The following NEK8 variants were observed in gnomAD, a reference collection of about 807,000 sequenced individuals.
NEK8 encodes NIMA related kinase 8, also known as serine/threonine-protein kinase Nek8.
In NEK8, 51 loss-of-function variants were observed where a neutral mutation model predicts 77.2. That is an observed-to-expected ratio of 0.66 (90% CI 0.53 to 0.83). The LOEUF is 0.83. Ranked by LOEUF, NEK8 falls within the 40% of genes least tolerant of loss-of-function variation. NEK8 has a pLI of 0.00. For synonymous variants in NEK8, 365 were observed against 363.2 expected (o/e 1.00, Z -0.06); for missense variants, 787 against 909.2 (o/e 0.87, Z 1.73).
In NEK8 at chr17:28,737,755, C is replaced by T. The variant is rs183897626; in HGVS notation, c.889+19C>T. 6.2e-7 allele frequency: 1 copy of T among 1,614,160 alleles called. No individual in the cohort carries two copies. Among genetic ancestry groups the T allele is most frequent in the East Asian group, 2.2e-5 (1 of 44,890 alleles). ...TGCAGAGGTAAGTGGGAAGAGGCCGCCAGTCCCCATGGATGCCACACCATT... is the reference window on the plus strand; with the variant it reads ...TGCAGAGGTAAGTGGGAAGAGGCCGTCAGTCCCCATGGATGCCACACCATT... On this transcript the variant is annotated intron_variant, in intron 6 of 14. Coordinates refer to ENST00000268766, the MANE Select transcript of NEK8 (RefSeq NM_178170.3). The surrounding 1 kb of genome is among the most constrained non-coding windows in gnomAD (Gnocchi z 4.8).
At chr17:28,734,293 GT>G in intron 2 of NEK8, 105 bp downstream of exon 2, 2 of 1,031,696 alleles carry the variant, frequency 1.9e-6, no homozygotes, top group South Asian at 1.3e-5. Context: ...ATGGCCAAGG[GT>G]TAGAGTTCTG....
Position 28,738,117 on chromosome 17 carries a change from G to A in NEK8, c.1094G>A (p.Gly365Glu). The A allele has an allele frequency of 1.9e-6, 3 of 1,613,932 alleles. No individual in the cohort carries two copies. The highest frequency in any genetic ancestry group is 2.5e-6 in the Non-Finnish European group (3 of 1,179,916). ...LWEAPPLGAG[G>E]GSLLPGAVEQ... ...CAGGCCCCACCCCTAGGTGCAGGCG[G>A]AGGCAGTCTCCTTCCTGGGGCAGTG... Residue 365 changes from glycine to glutamate, a missense_variant, in exon 8 of 15, where the codon GGA becomes GAA. This residue lies in a region of NEK8 where 516 missense variants were observed against 544.0 expected (regional missense o/e 0.95). Coordinates refer to ENST00000268766, the MANE Select transcript of NEK8 (RefSeq NM_178170.3).
chr17:28,739,292 C>G (rs1172867994), intron 10 of NEK8, 91 bp downstream of exon 10: 1 of 850,822 alleles, frequency 1.2e-6, no homozygotes, highest in Non-Finnish European at 2.1e-6. Flanking sequence ...AGCACATTCT[C>G]TCTTCCCTCT....
intron 1 of NEK8, among the ~76,000 whole-genome samples, chr17:28,732,791 C>A (rs2034323300): frequency 6.6e-6 from 1 of 151,918 alleles, no homozygotes; most frequent in Non-Finnish European, 1.5e-5. Context: ...ACCTCAAATG[C>A]TCCACCCACC....
chr17:28,728,852 T>C lies in NEK8; in HGVS notation c.39T>C (p.Gly13=). 2 of 1,551,000 alleles carry C rather than the reference T, an allele frequency of 1.3e-6. No individual in the cohort carries two copies. Among genetic ancestry groups the C allele is most frequent in the Non-Finnish European group, 1.7e-6 (2 of 1,146,456 alleles). The change falls in exon 1 of 15, where the codon GGT becomes GGC. Residue 13 remains glycine (G), a synonymous_variant. Coordinates refer to ENST00000268766, the MANE Select transcript of NEK8 (RefSeq NM_178170.3). ...KYERIRVVGR[G]AFGIVHLCLR... Reference sequence around the variant, plus strand: ...AGCGGATCCGAGTGGTGGGGAGAGGTGCCTTCGGGTGAGCCAGGGCTCTGG... The same window carrying C: ...AGCGGATCCGAGTGGTGGGGAGAGGCGCCTTCGGGTGAGCCAGGGCTCTGG...
chr17:28,734,116 C>G lies in NEK8; in HGVS notation c.181C>G (p.Pro61Ala), dbSNP rs749351161. 4.3e-6 allele frequency: 7 copies of G among 1,614,160 alleles called. No homozygotes were observed. The highest frequency in any genetic ancestry group is 3.3e-5 in the Admixed American group (2 of 60,010). Reference protein sequence around the residue: ...ECQVLKLLNHPNVIEYYENFL... With the variant: ...ECQVLKLLNHANVIEYYENFL... ...CCAGGTCCTCAAGCTGCTCAACCACCCCAATGTCATTGAGTACTACGAGAA... is the reference window on the plus strand; with the variant it reads ...CCAGGTCCTCAAGCTGCTCAACCACGCCAATGTCATTGAGTACTACGAGAA... Residue 61 changes from proline to alanine, a missense_variant, in exon 2 of 15, where the codon CCC becomes GCC. By Grantham distance (27) the Pro-to-Ala change is conservative. Transcript: ENST00000268766.
chr17:28,729,540 T>A (rs2034286172), intron 1 of NEK8, among the ~76,000 whole-genome samples: 1 of 136,880 alleles, frequency 7.3e-6, no homozygotes, highest in Non-Finnish European at 1.6e-5. Flanking sequence ...GGATTTTTTT[T>A]TTTTTTTTTT....
At position 28,742,143 on chromosome 17, in the gene NEK8, G is replaced by A. The variant is rs186791558; in HGVS notation, c.*156G>A. On this transcript the variant is annotated 3_prime_UTR_variant, in exon 15 of 15. Coordinates refer to ENST00000268766, the MANE Select transcript of NEK8 (RefSeq NM_178170.3). ...AAACCCCTGCTCTGCTTTTGGCCTTGGATATGGAAACCTCAACCACTTTGT... is the reference window on the plus strand; with the variant it reads ...AAACCCCTGCTCTGCTTTTGGCCTTAGATATGGAAACCTCAACCACTTTGT... 1.5e-3 allele frequency: 1,240 copies of A among 804,038 alleles called. 6 individuals carry two copies. The highest frequency in any genetic ancestry group is 2.3e-3 in the Non-Finnish European group (1,048 of 454,444). 49.8% of individuals were successfully genotyped at this position (804,038 alleles called of 1,614,324 possible).
Position 28,735,418 on chromosome 17 carries a change from C to T in NEK8, c.618+47C>T, listed in dbSNP as rs116865305. On this transcript the variant is annotated intron_variant, in intron 4 of 14. Coordinates refer to ENST00000268766, the MANE Select transcript of NEK8 (RefSeq NM_178170.3). ...GGGACAACTGAGAAATCTACTGCCT[C>T]GCCCAGCAGCCCTTGGCTCAAGCCA... 6.9e-3 allele frequency: 11,032 copies of T among 1,592,998 alleles called. 61 individuals carry two copies. The highest frequency in any genetic ancestry group is 0.013 in the South Asian group (1,194 of 88,744).
At chr17:28,738,341 G>A (rs1333534709) in intron 8 of NEK8, 96 bp downstream of exon 8, 5 of 1,402,458 alleles carry the variant, frequency 3.6e-6, no homozygotes, top group Non-Finnish European at 5.0e-6. Flanking sequence ...GAATGCTTCT[G>A]TCTACTAGTT....
chr17:28,736,334 C>T (rs1318186066), intron 4 of NEK8, among the ~76,000 whole-genome samples: 1 of 152,096 alleles, frequency 6.6e-6, no homozygotes, highest in East Asian at 1.9e-4. Flanking sequence ...GTTCTAGATC[C>T]CTGAGGAATC....
In NEK8 at chr17:28,740,723, G is replaced by A. The variant is rs892776272; in HGVS notation, c.1569-99G>A. 9.6e-6 allele frequency: 15 copies of A among 1,566,524 alleles called. No individual in the cohort carries two copies. The highest frequency in any genetic ancestry group is 2.7e-5 in the African/African-American group (2 of 73,982). On this transcript the variant is annotated intron_variant, in intron 11 of 14. Transcript: ENST00000268766. The surrounding 1 kb of genome is among the most constrained non-coding windows in gnomAD (Gnocchi z 4.7). ...AAGACCAGAATTGAGGGGGTTGAGG[G>A]TGCTATTGGTTCAACCCAGGGTGGG...
chr17:28,734,442 G>A (rs1597805241), intron 2 of NEK8: 15 of 574,452 alleles, frequency 2.6e-5, no homozygotes, highest in Admixed American at 1.2e-4. Context: ...GGCCAACGCC[G>A]AGGCGGGCGG....
rs1437003682 is a variant in NEK8 at position 28,741,020 on chromosome 17, G to C, written c.1732+35G>C. ...ACTTGGGCTCTGGAGGTCAGAGGGG[G>C]ACTCACGGTCTCCTTGGTACCCTGT... On this transcript the variant is annotated intron_variant, in intron 12 of 14. Coordinates refer to ENST00000268766, the MANE Select transcript of NEK8 (RefSeq NM_178170.3). The surrounding 1 kb of genome is among the most constrained non-coding windows in gnomAD (Gnocchi z 4.5). 8.7e-6 allele frequency: 14 copies of C among 1,614,100 alleles called. No individual in the cohort carries two copies. Among genetic ancestry groups the C allele is most frequent in the Non-Finnish European group, 1.1e-5 (13 of 1,179,990 alleles).
chr17:28,731,908 ATTTTTTTTTTTTTTTTTTT>A (rs71135844), intron 1 of NEK8, among the ~76,000 whole-genome samples: 543 of 52,536 alleles, frequency 0.01, 15 homozygotes, highest in African/African-American at 0.037. Flanking sequence ...CCTGGCCCCA[ATTTTTTTTTTTTTTTTTTT>A]TTTTTTTTTT....
chr17:28,729,730 C>T (rs2034288774), intron 1 of NEK8, among the ~76,000 whole-genome samples: 2 of 151,842 alleles, frequency 1.3e-5, no homozygotes, highest in Middle Eastern at 3.4e-3. Flanking sequence ...GTTTTTAGTA[C>T]AGATGGGGTT....
At chr17:28,732,545 C>CTTTTTTTTTTTTTTTTT (rs1054257308) in intron 1 of NEK8, among the ~76,000 whole-genome samples, 4 of 77,914 alleles carry the variant, frequency 5.1e-5, no homozygotes, top group Non-Finnish European at 7.0e-5. Context: ...TTTTTCTTTT[C>CTTTTTTTTTTTTTTTTT]TTTTTTTTTT....
intron 4 of NEK8, among the ~76,000 whole-genome samples, chr17:28,735,736 G>A (rs1326683879): frequency 6.6e-6 from 1 of 152,086 alleles, no homozygotes; most frequent in East Asian, 1.9e-4. Context: ...CTCCTCATCA[G>A]ACTGAAGTCT....
intron 10 of NEK8, 66 bp downstream of exon 10, chr17:28,739,267 C>T (rs1045952804): frequency 4.1e-6 from 4 of 964,940 alleles, no homozygotes; most frequent in Non-Finnish European, 6.8e-6. Flanking sequence ...CCTTCATACC[C>T]ACCTTCCACC....
Sources: allele counts gnomAD v4.1 joint callset (sites outside exome capture counted in the v4.1 genomes callset), GRCh38; gene constraint gnomAD v4.1.1; regional missense constraint gnomAD v4.1.1; non-coding constraint Gnocchi (gnomAD v3.1); transcripts MANE v1.5; gene names NCBI Gene and HGNC (gene_info 2026-07-23, HGNC 2026-07-21).